ZNF875: variants seen among roughly 807,000 people sequenced by gnomAD.
ZNF875 encodes HKR1, GLI-Kruppel zinc finger family member.
A neutral mutation model predicts 11.2 loss-of-function variants in ZNF875; 14 were observed. The observed-to-expected ratio is 1.26, with a 90% CI of 0.83 to 1.96. ZNF875 has a LOEUF of 1.96. Among genes scored for constraint, ZNF875 ranks in the 30% most tolerant of loss-of-function variants. ZNF875 has a pLI of 0.00. For missense variants in ZNF875, 752 were observed against 760.4 expected (o/e 0.99, Z 0.13); for synonymous variants, 301 against 281.1 (o/e 1.07, Z -0.71).
chr19:37,319,770 G>A (rs2030992137), intron 1 of ZNF875, among the ~76,000 whole-genome samples: 1 of 152,134 alleles, frequency 6.6e-6, no homozygotes, highest in Admixed American at 6.5e-5. Context: ...TGACCTCCCT[G>A]CTGAACAACC....
chr19:37,361,837 A>G (rs944211709), intron 4 of ZNF875: 26 of 357,868 alleles, frequency 7.3e-5, no homozygotes, highest in African/African-American at 4.9e-4. Context: ...GAATCGCTTG[A>G]ACCCTGGAGG....
At chr19:37,347,921 A>C (rs182413666) in intron 4 of ZNF875, 49 bp downstream of exon 4, 31 of 1,049,874 alleles carry the variant, frequency 3.0e-5, no homozygotes, top group Middle Eastern at 4.1e-4. Flanking sequence ...CTTGGCAGAT[A>C]GGAAGGAGGA....
upstream of ZNF875, among the ~76,000 whole-genome samples, chr19:37,316,715 C>A (rs1399943973): frequency 5.4e-5 from 7 of 128,694 alleles, no homozygotes; most frequent in Admixed American, 4.6e-4. Flanking sequence ...CAGGCTGGAG[C>A]GCAGGGGCGC....
rs58831800 is a variant in ZNF875 at position 37,355,140 on chromosome 19, GTGTATA to G, written c.257-6957_257-6952del. Among the ~76,000 whole-genome samples, 393 of 152,172 alleles carry G rather than the reference GTGTATA, an allele frequency of 2.6e-3. 1 individual carries two copies. The highest frequency in any genetic ancestry group is 9.2e-3 in the African/African-American group (381 of 41,528). On this transcript the variant is annotated intron_variant, in intron 4 of 4. Coordinates refer to ENST00000392153, the MANE Select transcript of ZNF875 (RefSeq NM_001353803.2). Reference sequence around the variant, plus strand: ...CCTTTCTCAGTACATATGTATGTATGTGTATATGTATATGTATGTTCATATGTGTTT... The same window carrying G: ...CCTTTCTCAGTACATATGTATGTATGTGTATATGTATGTTCATATGTGTTT...
rs1164970920 is a variant in ZNF875 at position 37,363,619 on chromosome 19, G to A, written c.1767G>A (p.Val589=). The A allele has an allele frequency of 2.5e-6, 4 of 1,611,462 alleles. No individual in the cohort carries two copies. Among genetic ancestry groups the A allele is most frequent in the Non-Finnish European group, 3.4e-6 (4 of 1,179,164 alleles). Residue 589 remains valine, a synonymous_variant, in exon 5 of 5, where the codon GTG becomes GTA. Transcript: ENST00000392153. ...QRAHAGGKPH[V]CRECGQGFSR... ...CACACGCAGGGGGGAAGCCTCATGT[G>A]TGCAGGGAGTGTGGGCAAGGCTTTA...
At chr19:37,346,547 AGT>A (rs2036801262) in intron 2 of ZNF875, 2 of 154,248 alleles carry the variant, frequency 1.3e-5, no homozygotes, top group Non-Finnish European at 2.9e-5. Context: ...TAGAACAAAT[AGT>A]GAGACCAAGT....
chr19:37,363,742 C>T lies in ZNF875; in HGVS notation c.1890C>T (p.Asn630=), dbSNP rs1443460652. The change falls in exon 5 of 5, where the codon AAC becomes AAT. Residue 630 remains asparagine, a synonymous_variant. Coordinates refer to ENST00000392153, the MANE Select transcript of ZNF875 (RefSeq NM_001353803.2). ...KCGRGFSRKS[N]LIRHQRTHSG Reference sequence around the variant, plus strand: ...GACGGGGCTTTAGTCGGAAGTCCAACCTTATCAGACATCAGAGGACACACT... The same window carrying T: ...GACGGGGCTTTAGTCGGAAGTCCAATCTTATCAGACATCAGAGGACACACT... The T allele has an allele frequency of 6.2e-7, 1 of 1,613,900 alleles. No homozygotes were observed.
At chr19:37,343,295 A>G (rs986058454) in intron 2 of ZNF875, among the ~76,000 whole-genome samples, 1 of 151,764 alleles carries the variant, frequency 6.6e-6, no homozygotes, top group Non-Finnish European at 1.5e-5. Context: ...GTGAGCCGAG[A>G]CCACGTCATT....
At chr19:37,346,619 T>G (rs1448644592) in intron 2 of ZNF875, 1 of 156,808 alleles carries the variant, frequency 6.4e-6, no homozygotes, top group Admixed American at 6.1e-5. Flanking sequence ...TGTACTTGTG[T>G]GGTGTCTTCT....
intron 4 of ZNF875, among the ~76,000 whole-genome samples, chr19:37,357,256 A>T (rs1399124814): frequency 6.6e-6 from 1 of 152,158 alleles, no homozygotes; most frequent in African/African-American, 2.4e-5. Context: ...AGGTAATGTG[A>T]TATTTCCAGC....
intron 1 of ZNF875, chr19:37,318,329 T>C (rs2030464878): frequency 1.3e-5 from 2 of 152,186 alleles, no homozygotes; most frequent in African/African-American, 4.8e-5. Flanking sequence ...GTTTATATTA[T>C]GTTTATAATA....
At chr19:37,339,716 C>T (rs1321327993) in intron 2 of ZNF875, among the ~76,000 whole-genome samples, 1 of 151,756 alleles carries the variant, frequency 6.6e-6, no homozygotes, top group Non-Finnish European at 1.5e-5. Flanking sequence ...AGGTGCCCGC[C>T]ACCACACCAG....
intron 1 of ZNF875, among the ~76,000 whole-genome samples, chr19:37,318,619 T>C (rs2030579226): frequency 6.6e-6 from 1 of 151,830 alleles, no homozygotes; most frequent in Non-Finnish European, 1.5e-5. Context: ...TCTCCTGGGT[T>C]CACGCCATTC....
chr19:37,345,739 A>G (rs971274989), intron 2 of ZNF875, among the ~76,000 whole-genome samples: 1 of 152,160 alleles, frequency 6.6e-6, no homozygotes, highest in South Asian at 2.1e-4. Flanking sequence ...ATATAAACAC[A>G]AGTTTTAAAG....
chr19:37,313,421 T>C (rs113924340), upstream of ZNF875: 952 of 152,404 alleles, frequency 6.2e-3, 6 homozygotes, highest in South Asian at 0.029. Context: ...GATCAGGATG[T>C]GTCACCCTGA....
rs2040228836 is a variant in ZNF875, at chr19:37,363,035, A to G, written c.1183A>G (p.Ile395Val). 1.9e-6 allele frequency: 3 copies of G among 1,613,928 alleles called. No homozygotes were observed. The highest frequency in any genetic ancestry group is 3.3e-5 in the Admixed American group (2 of 59,998). The change falls in exon 5 of 5, where the codon ATT becomes GTT. Residue 395 changes from isoleucine (I) to valine (V), a missense_variant. By Grantham distance (29) the Ile-to-Val change is conservative. Coordinates refer to ENST00000392153, the MANE Select transcript of ZNF875 (RefSeq NM_001353803.2). Reference sequence around the variant, plus strand: ...GACACATTCAGGAGAGAAGCCTTACATTTGCAGGGAGTGTGAGCAAGGCTT... The same window carrying G: ...GACACATTCAGGAGAGAAGCCTTACGTTTGCAGGGAGTGTGAGCAAGGCTT... ...KRTHSGEKPY[I>V]CRECEQGFSQ...
intron 2 of ZNF875, among the ~76,000 whole-genome samples, chr19:37,340,735 G>A (rs975085862): frequency 2.9e-5 from 4 of 140,302 alleles, no homozygotes; most frequent in East Asian, 4.5e-4. Flanking sequence ...TGCAAGCTCC[G>A]CCTCCTGGGT....
At position 37,363,997 on chromosome 19, in the gene ZNF875, C is replaced by T; in HGVS notation, c.*222C>T. The T allele has an allele frequency of 1.9e-6, 1 of 538,864 alleles. No individual in the cohort carries two copies. The allele number at this position is 538,864 out of a possible 1,614,324, so 33.4% of individuals were successfully genotyped here. A position where few individuals can be genotyped will look rare whatever the true frequency, so the allele number is the denominator to read the frequency against. The stretch of plus-strand genomic sequence containing the variant: ...CTCATTTTCAGGAGCCCTGCCCTTC[C>T]TCACTGTGGATGGTGGGTTGTGGAA... On this transcript the variant is annotated 3_prime_UTR_variant, in exon 5 of 5. Transcript: ENST00000392153.
intron 2 of ZNF875, 200 bp from the exon 3 acceptor site, chr19:37,346,990 T>C: frequency 1.8e-6 from 1 of 546,194 alleles, no homozygotes; most frequent in Non-Finnish European, 3.3e-6. Flanking sequence ...ACTAATTTTG[T>C]ATTTTTAGTA....
Sources: gnomAD v4.1 joint callset for allele counts (sites outside exome capture counted in the v4.1 genomes callset) on GRCh38, gnomAD v4.1.1 for gene constraint, MANE v1.5 for transcripts, NCBI Gene and HGNC (gene_info 2026-07-23, HGNC 2026-07-21) for gene names.